The following NME7 variants were observed in gnomAD, a reference collection of about 807,000 sequenced individuals.
NME7 encodes nucleoside diphosphate kinase 7.
In NME7, 41 loss-of-function variants were observed where a neutral mutation model predicts 49.1. The ratio of observed to expected loss-of-function variants is 0.83; its 90% confidence interval spans 0.65 to 1.08. The LOEUF (loss-of-function observed/expected upper bound fraction) is 1.08. NME7 is among the 50% of genes least tolerant of loss of function. The pLI is 0.00. For synonymous variants in NME7, 139 were observed against 150.6 expected, an observed-to-expected ratio of 0.92 and a Z score of 0.56; for missense variants, 423 against 463.4, an observed-to-expected ratio of 0.91 and a Z score of 0.80.
intron 1 of NME7, among the ~76,000 whole-genome samples, chr1:169,325,756 A>G (rs4140539): frequency 0.07 from 10,655 of 152,194 alleles, 1,470 homozygotes; most frequent in East Asian, 0.66. Context: ...TAATATATCC[A>G]TAAACTATAA....
chr1:169,172,466 G>A lies in NME7; in HGVS notation c.991-2912C>T, dbSNP rs1659631797. On this transcript the variant is annotated intron_variant, in intron 10 of 11. Transcript: ENST00000367811. ...GTAAATTCCTGTAAGGACTTGGTAA[G>A]CAAGGGGATGATGGGCACATATGGT... is the stretch of plus-strand genomic sequence containing the variant. 2.6e-5 allele frequency among the ~76,000 whole-genome samples: 4 copies of A among 152,052 alleles called. No individual in the cohort carries two copies. The South Asian group carries it at 8.3e-4, about 32-fold the overall frequency.
chr1:169,222,511 C>A (rs12071122), intron 10 of NME7, among the ~76,000 whole-genome samples: 9,453 of 152,060 alleles, frequency 0.062, 385 homozygotes, highest in East Asian at 0.12. Context: ...AAGGAAAAAA[C>A]CCCAAGGAAA....
intron 6 of NME7, among the ~76,000 whole-genome samples, chr1:169,290,582 A>T (rs1650457669): frequency 6.6e-6 from 1 of 152,206 alleles, no homozygotes; most frequent in Non-Finnish European, 1.5e-5. Context: ...CCTCAGCAAT[A>T]TCATTCAGGA....
chr1:169,315,820 C>T (rs1309177933), intron 3 of NME7, among the ~76,000 whole-genome samples: 2 of 151,982 alleles, frequency 1.3e-5, no homozygotes, highest in African/African-American at 4.8e-5. Flanking sequence ...ATAAAAATTA[C>T]ATATCAAAAA....
chr1:169,282,502 G>A (rs1358507319), intron 7 of NME7, among the ~76,000 whole-genome samples: 1 of 151,938 alleles, frequency 6.6e-6, no homozygotes, highest in Non-Finnish European at 1.5e-5. Flanking sequence ...TTTTGAATTT[G>A]TTTGCTGTTG....
chr1:169,281,183 G>T (rs1000066900), intron 7 of NME7, among the ~76,000 whole-genome samples: 1 of 152,078 alleles, frequency 6.6e-6, no homozygotes, highest in African/African-American at 2.4e-5. Flanking sequence ...TCCCTTGTAA[G>T]TTGTATTCCT....
At chr1:169,172,993 T>C (rs935848795) in intron 10 of NME7, among the ~76,000 whole-genome samples, 1 of 152,194 alleles carries the variant, frequency 6.6e-6, no homozygotes, top group Non-Finnish European at 1.5e-5. Context: ...CAGTAAATGT[T>C]TGGTAAATAT....
At chr1:169,298,143 T>C (rs932923555) in intron 6 of NME7, among the ~76,000 whole-genome samples, 9 of 152,134 alleles carry the variant, frequency 5.9e-5, no homozygotes, top group Admixed American at 5.2e-4. Context: ...TAGCTATATA[T>C]AGGAAAATAA....
chr1:169,210,611 C>A (rs1660784238), intron 10 of NME7, among the ~76,000 whole-genome samples: 1 of 152,006 alleles, frequency 6.6e-6, no homozygotes, highest in African/African-American at 2.4e-5. Context: ...CACACACACT[C>A]CATCAGAATA....
intron 10 of NME7, among the ~76,000 whole-genome samples, chr1:169,227,389 C>T (rs77117944): frequency 0.013 from 1,907 of 152,294 alleles, 38 homozygotes; most frequent in African/African-American, 0.043. Flanking sequence ...TCTCCCCTGA[C>T]ATTTGTCACA....
chr1:169,191,658 G>A (rs1241256683), intron 10 of NME7, among the ~76,000 whole-genome samples: 1 of 152,152 alleles, frequency 6.6e-6, no homozygotes, highest in Non-Finnish European at 1.5e-5. Flanking sequence ...AAATGGATAA[G>A]CTAAAGTCCA....
rs573224916 is a variant in NME7 at position 169,227,174 on chromosome 1, G to A, written c.990+3544C>T. 1.8e-4 allele frequency among the ~76,000 whole-genome samples: 28 copies of A among 152,112 alleles called. No homozygotes were observed. In the South Asian group the frequency reaches 3.5e-3, roughly 19 times the overall value. On this transcript the variant is annotated intron_variant, in intron 10 of 11. Coordinates refer to ENST00000367811, the MANE Select transcript of NME7 (RefSeq NM_013330.5). ...TTTCGAGACTCTTCTTTCTATGATCGTGAACCTGCTCACTCCCCAGCTCCT... is the reference window on the plus strand; with the variant it reads ...TTTCGAGACTCTTCTTTCTATGATCATGAACCTGCTCACTCCCCAGCTCCT...
chr1:169,306,708 A>T (rs1651186694), intron 4 of NME7, among the ~76,000 whole-genome samples: 1 of 152,176 alleles, frequency 6.6e-6, no homozygotes, highest in African/African-American at 2.4e-5. Context: ...CTACTCAAGT[A>T]AAGTTGTAAA....
chr1:169,337,390 C>T (rs893606056), intron 1 of NME7, among the ~76,000 whole-genome samples: 1 of 152,208 alleles, frequency 6.6e-6, no homozygotes, highest in African/African-American at 2.4e-5. Context: ...CCCGCCAAGC[C>T]CACGCCCACC....
intron 1 of NME7, among the ~76,000 whole-genome samples, chr1:169,355,469 T>A (rs1457136593): frequency 6.7e-6 from 1 of 149,082 alleles, no homozygotes; most frequent in Non-Finnish European, 1.5e-5. Context: ...AAGCCTTGTA[T>A]GATCTGGTCT....
Position 169,310,078 on chromosome 1 carries a change from G to A in NME7, c.281C>T (p.Thr94Met), listed in dbSNP as rs1163786273. Residue 94 changes from threonine to methionine, a missense_variant and splice_region_variant, in exon 4 of 12, where the codon ACG (threonine) becomes ATG (methionine). Transcript: ENST00000367811. ...ARQLGSRKEK[T>M]LALIKPDAIS... ...TGCATCTGGTTTAATTAGGGCTAGC[G>A]TTCTATAAGGAAACAAAAAATAAGT... The A allele has an allele frequency of 7.1e-6, 11 of 1,559,068 alleles. No homozygotes were observed. Among genetic ancestry groups the A allele is most frequent in the Middle Eastern group, 1.7e-4 (1 of 5,922 alleles).
intron 1 of NME7, among the ~76,000 whole-genome samples, chr1:169,353,679 C>T (rs1653269474): frequency 1.3e-5 from 2 of 151,972 alleles, no homozygotes; most frequent in Admixed American, 6.6e-5. Flanking sequence ...TCAGAATACA[C>T]AAGGAGCTCA....
intron 4 of NME7, among the ~76,000 whole-genome samples, chr1:169,307,877 G>A (rs532086897): frequency 5.3e-5 from 8 of 152,116 alleles, no homozygotes; most frequent in South Asian, 2.1e-4. Flanking sequence ...AAAATTACCC[G>A]GGCGTGGTGG....
In NME7 at chr1:169,230,664, T is replaced by TA. The variant is rs1197617799; in HGVS notation, c.990+53dup. ...AACAAACGAAAAATTTTAAACCTGT[T>TA]AAAATAGTGAATAGATAACACAAAC... On this transcript the variant is annotated intron_variant, in intron 10 of 11. Coordinates refer to ENST00000367811, the MANE Select transcript of NME7 (RefSeq NM_013330.5). 7.4e-6 allele frequency: 9 copies of TA among 1,223,806 alleles called. No homozygotes were observed. The East Asian group carries it at 1.8e-4, about 25-fold the overall frequency. The allele number at this position is 1,223,806 out of a possible 1,614,324, so 75.8% of individuals were successfully genotyped here. A position where few individuals can be genotyped will look rare whatever the true frequency, so the allele number is the denominator to read the frequency against.
Sources: allele counts gnomAD v4.1 joint callset (sites outside exome capture counted in the v4.1 genomes callset), GRCh38; gene constraint gnomAD v4.1.1; transcripts MANE v1.5; gene names NCBI Gene and HGNC (gene_info 2026-07-23, HGNC 2026-07-21).